The following CDKAL1 variants were observed in gnomAD, a reference collection of about 807,000 sequenced individuals.
CDKAL1 encodes CDKAL1 threonylcarbamoyladenosine tRNA methylthiotransferase.
A neutral mutation model predicts 68.2 loss-of-function variants in CDKAL1; 32 were observed. The observed-to-expected ratio is 0.47, with a 90% CI of 0.35 to 0.63. The LOEUF is 0.63. Among genes scored for constraint, CDKAL1 ranks in the 30% least tolerant of loss-of-function variants. The pLI is 0.00. For synonymous variants in CDKAL1, 234 were observed against 244.3 expected (o/e 0.96, Z 0.39); for missense variants, 606 against 696.7 (o/e 0.87, Z 1.47).
At chr6:20,751,196 C>T (rs917687869) in intron 6 of CDKAL1, among the ~76,000 whole-genome samples, 1 of 151,994 alleles carries the variant, frequency 6.6e-6, no homozygotes, top group African/African-American at 2.4e-5. Context: ...CCTTCGACTG[C>T]AGAGTAGTGT....
chr6:21,050,871 A>G (rs944387359), intron 11 of CDKAL1, among the ~76,000 whole-genome samples: 1 of 152,226 alleles, frequency 6.6e-6, no homozygotes, highest in Non-Finnish European at 1.5e-5. Flanking sequence ...CACTATCAAT[A>G]TTTGAAAACA....
At chr6:20,920,305 A>G (rs192553100) in intron 9 of CDKAL1, among the ~76,000 whole-genome samples, 1 of 152,312 alleles carries the variant, frequency 6.6e-6, no homozygotes, top group Admixed American at 6.5e-5. Flanking sequence ...CCTACAAGTA[A>G]GAAGTGCAGA....
At chr6:21,159,119 A>ATTTTT (rs1415201432) in intron 13 of CDKAL1, among the ~76,000 whole-genome samples, 1 of 115,856 alleles carries the variant, frequency 8.6e-6, no homozygotes, top group Non-Finnish European at 1.9e-5. Context: ...TTTTTTTTTA[A>ATTTTT]TTTTTTTAAT....
intron 13 of CDKAL1, among the ~76,000 whole-genome samples, chr6:21,160,879 C>T (rs1005092323): frequency 4.6e-5 from 7 of 151,504 alleles, no homozygotes; most frequent in African/African-American, 1.5e-4. Context: ...CCCCACTCTC[C>T]GATGGGCTCT....
intron 2 of CDKAL1, among the ~76,000 whole-genome samples, chr6:20,540,471 T>TG (rs1763347539): frequency 6.6e-6 from 1 of 151,448 alleles, no homozygotes; most frequent in African/African-American, 2.4e-5. Flanking sequence ...TTTTTTTTTT[T>TG]GGGATGGTGC....
chr6:20,613,918 C>T (rs1024965052), intron 4 of CDKAL1, among the ~76,000 whole-genome samples: 4 of 152,018 alleles, frequency 2.6e-5, no homozygotes, highest in Non-Finnish European at 4.4e-5. Context: ...AATTTATGCT[C>T]CCATCAACAA....
intron 4 of CDKAL1, among the ~76,000 whole-genome samples, chr6:20,612,437 G>A (rs9358352): frequency 0.8 from 122,125 of 152,068 alleles, 49,084 homozygotes; most frequent in Middle Eastern, 0.91. Flanking sequence ...CTTTTTAATA[G>A]TAGCCATTCT....
chr6:21,145,537 C>CT (rs945382520), intron 13 of CDKAL1, among the ~76,000 whole-genome samples: 2 of 152,160 alleles, frequency 1.3e-5, no homozygotes, highest in Non-Finnish European at 2.9e-5. Flanking sequence ...TTCCTAGCTG[C>CT]TTTTTAGGGG....
At chr6:21,078,148 A>G (rs1034737458) in intron 12 of CDKAL1, among the ~76,000 whole-genome samples, 1 of 152,180 alleles carries the variant, frequency 6.6e-6, no homozygotes, top group African/African-American at 2.4e-5. Flanking sequence ...CTATAATATA[A>G]TAAATTTGTG....
chr6:20,804,505 CATA>C (rs1014735139), intron 8 of CDKAL1, among the ~76,000 whole-genome samples: 5 of 152,066 alleles, frequency 3.3e-5, no homozygotes, highest in Admixed American at 3.3e-4. Flanking sequence ...TAAAAAGAAA[CATA>C]ATAATTTGTG....
At chr6:21,101,417 A>G (rs1189352158) in intron 12 of CDKAL1, among the ~76,000 whole-genome samples, 1 of 152,174 alleles carries the variant, frequency 6.6e-6, no homozygotes, top group Non-Finnish European at 1.5e-5. Flanking sequence ...AACCTGCAAC[A>G]AGGATTGAGA....
At chr6:21,135,041 T>C (rs975584479) in intron 13 of CDKAL1, among the ~76,000 whole-genome samples, 8 of 152,178 alleles carry the variant, frequency 5.3e-5, no homozygotes, top group Non-Finnish European at 1.0e-4. Context: ...GTAAATAGTC[T>C]ATGACCATGA....
intron 9 of CDKAL1, among the ~76,000 whole-genome samples, chr6:20,876,535 G>T (rs1235704983): frequency 6.6e-6 from 1 of 152,136 alleles, no homozygotes; most frequent in Non-Finnish European, 1.5e-5. Flanking sequence ...TCATTCTAAG[G>T]ATTAAATTCG....
At chr6:20,737,421 G>A (rs1773246271) in intron 5 of CDKAL1, among the ~76,000 whole-genome samples, 1 of 152,230 alleles carries the variant, frequency 6.6e-6, no homozygotes, top group South Asian at 2.1e-4. Context: ...GTGTAATGAT[G>A]TCTTAGATAT....
intron 13 of CDKAL1, among the ~76,000 whole-genome samples, chr6:21,160,361 A>C (rs1236854468): frequency 9.3e-5 from 14 of 151,228 alleles, no homozygotes; most frequent in Admixed American, 9.2e-4. Flanking sequence ...ACAGTGGCGC[A>C]ATCTCGGCTC....
intron 11 of CDKAL1, among the ~76,000 whole-genome samples, chr6:21,060,902 A>G (rs1468496349): frequency 6.6e-6 from 1 of 152,122 alleles, no homozygotes; most frequent in African/African-American, 2.4e-5. Flanking sequence ...TGAGATGATT[A>G]GTATGTGTAT....
At chr6:20,999,663 T>TA (rs36078234) in intron 10 of CDKAL1, among the ~76,000 whole-genome samples, 2,678 of 93,212 alleles carry the variant, frequency 0.029, 88 homozygotes, top group African/African-American at 0.092. Context: ...TGACTGAAAT[T>TA]AAAAAAAAAA....
intron 10 of CDKAL1, among the ~76,000 whole-genome samples, chr6:20,985,564 T>G (rs555127492): frequency 6.6e-6 from 1 of 152,222 alleles, no homozygotes; most frequent in Non-Finnish European, 1.5e-5. Context: ...CAAAATGCTG[T>G]GATTATAGGC....
chr6:21,055,404 G>C (rs1770774123), intron 11 of CDKAL1, among the ~76,000 whole-genome samples: 1 of 151,742 alleles, frequency 6.6e-6, no homozygotes, highest in African/African-American at 2.4e-5. Flanking sequence ...AAGTTCTGAG[G>C]TACATGTGCA....
Sources: allele counts gnomAD v4.1 joint callset (sites outside exome capture counted in the v4.1 genomes callset), GRCh38; gene constraint gnomAD v4.1.1; transcripts MANE v1.5; gene names NCBI Gene and HGNC (gene_info 2026-07-23, HGNC 2026-07-21).